Variants in TMEM135 observed in about 807,000 individuals in gnomAD.
The protein encoded by TMEM135 is transmembrane protein 135.
TMEM135 carries 30 observed loss-of-function variants against 60.3 expected under a neutral mutation model. That is an observed-to-expected ratio of 0.50 (90% CI 0.37 to 0.68). TMEM135 has a LOEUF of 0.68. Ranked by LOEUF, TMEM135 falls within the 30% of genes least tolerant of loss-of-function variation. The pLI is 0.00. For missense variants in TMEM135, 468 were observed against 548.8 expected (o/e 0.85, Z 1.47); for synonymous variants, 190 against 186.7 (o/e 1.02, Z -0.14).
Position 87,326,374 on chromosome 11 carries a change from T to A in TMEM135, c.*5041T>A, listed in dbSNP as rs1942913075. On this transcript the variant is annotated 3_prime_UTR_variant, in exon 15 of 15. Coordinates refer to ENST00000305494, the MANE Select transcript of TMEM135 (RefSeq NM_022918.4). ...TCCTCCATCCCTGAACTAGGACCAG[T>A]TAATTTTCGAAGTCTAGTTCTTCAG... The A allele has an allele frequency of 2.2e-6, 1 of 453,976 alleles. No homozygotes were observed. Among genetic ancestry groups the A allele is most frequent in the African/African-American group, 2.0e-5 (1 of 49,984 alleles). 28.1% of individuals were successfully genotyped at this position (453,976 alleles called of 1,614,324 possible).
At chr11:87,137,265 CTA>C (rs1491316131) in intron 4 of TMEM135, among the ~76,000 whole-genome samples, 1 of 110,818 alleles carries the variant, frequency 9.0e-6, no homozygotes, top group Non-Finnish European at 1.9e-5. Flanking sequence ...ATGCCTATAT[CTA>C]AAAAAAAAAA....
rs376276684 is a variant in TMEM135 at position 87,309,085 on chromosome 11, A to G, written c.769-420A>G. On this transcript the variant is annotated intron_variant, in intron 9 of 14. Transcript: ENST00000305494. ...AAAATAATCCCTACTCATGCTAATC[A>G]TTAAGAGCAGTTTTCTGTTAACATT... Among the ~76,000 whole-genome samples the G allele has an allele frequency of 3.0e-4, 46 of 152,334 alleles. 1 individual carries two copies. The South Asian group carries it at 8.9e-3, about 30-fold the overall frequency.
intron 6 of TMEM135, among the ~76,000 whole-genome samples, chr11:87,268,967 AGTTT>A (rs1172633787): frequency 6.6e-6 from 1 of 151,864 alleles, no homozygotes; most frequent in African/African-American, 2.4e-5. Context: ...GTTTCTTATA[AGTTT>A]ATTTAGATTT....
intron 4 of TMEM135, among the ~76,000 whole-genome samples, chr11:87,129,001 A>G (rs1457017132): frequency 7.4e-6 from 1 of 134,688 alleles, no homozygotes; most frequent in Non-Finnish European, 1.6e-5. Context: ...AGCAGGTTTA[A>G]GGTTTTTTTT....
chr11:87,145,088 A>G (rs1404071322), intron 4 of TMEM135, among the ~76,000 whole-genome samples: 1 of 152,044 alleles, frequency 6.6e-6, no homozygotes, highest in East Asian at 1.9e-4. Flanking sequence ...GAGATTTTCT[A>G]CCCTTTGATC....
At position 87,327,400 on chromosome 11, in the gene TMEM135, G is replaced by T. The variant is rs1942929198; in HGVS notation, c.*6067G>T. The T allele has an allele frequency of 2.2e-6, 1 of 454,082 alleles. No individual in the cohort carries two copies. Among genetic ancestry groups the T allele is most frequent in the African/African-American group, 2.0e-5 (1 of 50,110 alleles). 28.1% of individuals were successfully genotyped at this position (454,082 alleles called of 1,614,324 possible). On this transcript the variant is annotated 3_prime_UTR_variant, in exon 15 of 15. Transcript: ENST00000305494. Reference sequence around the variant, plus strand: ...AGAAAAATAGAAAGAACCTGCTTCTGTGAGCCACTGAATGGTGCCATTAAC... The same window carrying T: ...AGAAAAATAGAAAGAACCTGCTTCTTTGAGCCACTGAATGGTGCCATTAAC...
chr11:87,194,375 A>C (rs1178961577), intron 5 of TMEM135, among the ~76,000 whole-genome samples: 1 of 152,352 alleles, frequency 6.6e-6, no homozygotes, highest in Non-Finnish European at 1.5e-5. Context: ...ACTGTATACT[A>C]TTCTGCAAAT....
intron 6 of TMEM135, among the ~76,000 whole-genome samples, chr11:87,254,086 G>C (rs1467271034): frequency 2.0e-5 from 3 of 152,032 alleles, no homozygotes; most frequent in Admixed American, 6.6e-5. Context: ...AACATTCATA[G>C]GTAAAAGAAA....
intron 1 of TMEM135, among the ~76,000 whole-genome samples, chr11:87,044,136 A>G (rs1383091728): frequency 6.6e-6 from 1 of 152,148 alleles, no homozygotes; most frequent in Non-Finnish European, 1.5e-5. Flanking sequence ...ATGTAATCCA[A>G]CAAATCTGTT....
chr11:87,069,269 A>C, intron 2 of TMEM135, among the ~76,000 whole-genome samples: 1 of 135,062 alleles, frequency 7.4e-6, no homozygotes, highest in African/African-American at 2.8e-5. Context: ...TGGGTGACAG[A>C]GTAAGACTCC....
intron 5 of TMEM135, among the ~76,000 whole-genome samples, chr11:87,209,289 A>G (rs1416914227): frequency 3.3e-5 from 5 of 152,166 alleles, no homozygotes; most frequent in Admixed American, 6.5e-5. Flanking sequence ...CCACCTGTCT[A>G]CTTTCTTCAA....
At position 87,320,954 on chromosome 11, in the gene TMEM135, C is replaced by A. The variant is rs78157905; in HGVS notation, c.1245-247C>A. On this transcript the variant is annotated intron_variant, in intron 14 of 14. Coordinates refer to ENST00000305494, the MANE Select transcript of TMEM135 (RefSeq NM_022918.4). The stretch of plus-strand genomic sequence containing the variant: ...TTTAAAATAATGGTTGTAATCTCTG[C>A]GGTTTCAGATCTGGGGATTATCTCT... Among the ~76,000 whole-genome samples the A allele has an allele frequency of 9.7e-3, 1,471 of 152,084 alleles. 25 individuals are homozygous for A. The highest frequency in any genetic ancestry group is 0.034 in the African/African-American group (1,411 of 41,486).
At chr11:87,277,281 G>A in intron 6 of TMEM135, 1 of 384,212 alleles carries the variant, frequency 2.6e-6, no homozygotes. Context: ...ACAGATTTGT[G>A]CCACCATGCC....
chr11:87,255,204 A>C (rs1164724512), intron 6 of TMEM135, among the ~76,000 whole-genome samples: 1 of 152,164 alleles, frequency 6.6e-6, no homozygotes, highest in Non-Finnish European at 1.5e-5. Flanking sequence ...TTGGCACTTC[A>C]GAGCAGGTAG....
chr11:87,327,244 C>G lies in TMEM135; in HGVS notation c.*5911C>G, dbSNP rs1251573936. On this transcript the variant is annotated 3_prime_UTR_variant, in exon 15 of 15. Transcript: ENST00000305494. ...TTCCCTCTCTGCTTAAAGGAAAGTT[C>G]TTTTTACCTCTTTTTCTCTTGTTCA... 6 of 453,920 alleles carry G rather than the reference C, an allele frequency of 1.3e-5. No individual in the cohort carries two copies. The highest frequency in any genetic ancestry group is 1.2e-4 in the African/African-American group (6 of 49,972). 28.1% of individuals were successfully genotyped at this position (453,920 alleles called of 1,614,324 possible).
chr11:87,231,549 T>C (rs1359137745), intron 5 of TMEM135, among the ~76,000 whole-genome samples: 2 of 152,090 alleles, frequency 1.3e-5, no homozygotes, highest in East Asian at 3.9e-4. Flanking sequence ...AGAAAACTTA[T>C]GGGAATACAA....
At position 87,294,836 on chromosome 11, in the gene TMEM135, C is replaced by T. The variant is rs139772479; in HGVS notation, c.510-946C>T. 4.8e-3 allele frequency among the ~76,000 whole-genome samples: 736 copies of T among 152,162 alleles called. 11 individuals carry two copies. Among genetic ancestry groups the T allele is most frequent in the African/African-American group, 0.016 (674 of 41,502 alleles). On this transcript the variant is annotated intron_variant, in intron 6 of 14. Coordinates refer to ENST00000305494, the MANE Select transcript of TMEM135 (RefSeq NM_022918.4). Reference sequence around the variant, plus strand: ...TAACAGCAGCAGAATGTTGTAAAGCCGGCATAGTAATGTCCCCATTTTAAG... The same window carrying T: ...TAACAGCAGCAGAATGTTGTAAAGCTGGCATAGTAATGTCCCCATTTTAAG...
intron 4 of TMEM135, among the ~76,000 whole-genome samples, chr11:87,138,962 A>C (rs533235290): frequency 6.6e-6 from 1 of 152,218 alleles, no homozygotes; most frequent in Admixed American, 6.5e-5. Flanking sequence ...TCCCCAGCGT[A>C]CCTACGAGTA....
rs114312069 is a variant in TMEM135 at position 87,075,624 on chromosome 11, T to C, written c.362+4009T>C. 8.8e-3 allele frequency among the ~76,000 whole-genome samples: 1,344 copies of C among 152,324 alleles called. 26 individuals carry two copies. The highest frequency in any genetic ancestry group is 0.03 in the African/African-American group (1,244 of 41,568). Reference sequence around the variant, plus strand: ...TTAATCTAAGATAGTGTCTCCACTTTTTCCCTCTACAGCATTGCTTTATTG... The same window carrying C: ...TTAATCTAAGATAGTGTCTCCACTTCTTCCCTCTACAGCATTGCTTTATTG... On this transcript the variant is annotated intron_variant, in intron 3 of 14. Coordinates refer to ENST00000305494, the MANE Select transcript of TMEM135 (RefSeq NM_022918.4).
Sources: gnomAD v4.1 joint callset for allele counts (sites outside exome capture counted in the v4.1 genomes callset) on GRCh38, gnomAD v4.1.1 for gene constraint, MANE v1.5 for transcripts, NCBI Gene and HGNC (gene_info 2026-07-23, HGNC 2026-07-21) for gene names.